The following IFRD1 variants were observed in gnomAD, a reference collection of about 807,000 sequenced individuals.
IFRD1 encodes interferon-related developmental regulator 1.
Under a neutral mutation model 52.9 loss-of-function variants are expected in IFRD1, and 35 were observed. That is an observed-to-expected ratio of 0.66 (90% CI 0.51 to 0.88). The LOEUF (loss-of-function observed/expected upper bound fraction) is 0.88. Among genes scored for constraint, IFRD1 ranks in the 40% least tolerant of loss-of-function variants. IFRD1 has a pLI of 0.00. For missense variants in IFRD1, 517 were observed against 550.8 expected (o/e 0.94, Z 0.61); for synonymous variants, 184 against 188.4 (o/e 0.98, Z 0.19).
intron 8 of IFRD1, among the ~76,000 whole-genome samples, chr7:112,466,668 A>C (rs1795617642): frequency 6.6e-6 from 1 of 152,212 alleles, no homozygotes; most frequent in South Asian, 2.1e-4. Context: ...AAAATAATGT[A>C]TAGAATTTTC....
chr7:112,456,001 G>T lies in IFRD1; in HGVS notation c.200-1G>T. 6.3e-7 allele frequency: 1 copy of T among 1,587,690 alleles called. No homozygotes were observed. The highest frequency in any genetic ancestry group is 8.6e-7 in the Non-Finnish European group (1 of 1,156,298). ...GATGGCTGTTTTATATTATTTCTTA[G>T]GACCAGAAGTCCTTGATGAGGAAGG... On this transcript the variant is annotated splice_acceptor_variant, in intron 2 of 11. Transcript: ENST00000403825. LOFTEE classifies it high-confidence loss of function.
upstream of IFRD1, among the ~76,000 whole-genome samples, chr7:112,447,738 T>C (rs1233032043): frequency 1.3e-5 from 2 of 152,202 alleles, no homozygotes; most frequent in Admixed American, 6.5e-5. Flanking sequence ...CAAAATAGTA[T>C]GTGGAGCTGA....
intron 8 of IFRD1, among the ~76,000 whole-genome samples, chr7:112,465,456 G>A (rs972818867): frequency 1.3e-5 from 2 of 152,028 alleles, no homozygotes; most frequent in African/African-American, 4.8e-5. Context: ...CTGTTATTTT[G>A]CTATGAAATA....
In IFRD1 at chr7:112,462,375, G is replaced by A. The variant is rs1795463493; in HGVS notation, c.903G>A (p.Glu301=). The A allele has an allele frequency of 2.5e-6, 4 of 1,590,058 alleles. No individual in the cohort carries two copies. Among genetic ancestry groups the A allele is most frequent in the Non-Finnish European group, 3.5e-6 (4 of 1,158,318 alleles). The change falls in exon 8 of 12, where the codon GAG becomes GAA. Residue 301 remains glutamate, a synonymous_variant. Coordinates refer to ENST00000403825, the MANE Select transcript of IFRD1 (RefSeq NM_001550.4). ...ALLFELARGI[E]SDFFYEDMES... Reference sequence around the variant, plus strand: ...TCTTTGAATTGGCCAGAGGAATAGAGAGTGTAAGTATCTAACTGGCAGAGG... The same window carrying A: ...TCTTTGAATTGGCCAGAGGAATAGAAAGTGTAAGTATCTAACTGGCAGAGG...
At chr7:112,443,036 T>G (rs1271543075) in intron 1 of IFRD1, among the ~76,000 whole-genome samples, 3 of 152,208 alleles carry the variant, frequency 2.0e-5, no homozygotes, top group Non-Finnish European at 4.4e-5. Flanking sequence ...TGAAATAGGT[T>G]CTATCATTAA....
intron 1 of IFRD1, among the ~76,000 whole-genome samples, chr7:112,436,776 A>T (rs1026112118): frequency 1.3e-5 from 2 of 152,164 alleles, no homozygotes; most frequent in African/African-American, 4.8e-5. Flanking sequence ...CTATGTTTCT[A>T]GACTTGCTGG....
At chr7:112,463,939 C>A (rs919828193) in intron 8 of IFRD1, among the ~76,000 whole-genome samples, 1 of 150,408 alleles carries the variant, frequency 6.6e-6, no homozygotes, top group Non-Finnish European at 1.5e-5. Flanking sequence ...ACAGGATAAC[C>A]AGGAGAACTC....
chr7:112,426,788 T>A (rs1303000336), intron 1 of IFRD1, among the ~76,000 whole-genome samples: 1 of 152,210 alleles, frequency 6.6e-6, no homozygotes, highest in Non-Finnish European at 1.5e-5. Flanking sequence ...ATCATCTGCA[T>A]GATAAAACCT....
rs1185179802 is a variant in IFRD1, at chr7:112,450,695, A to C, written c.7A>C (p.Lys3Gln). 27 of 1,612,602 alleles carry C rather than the reference A, an allele frequency of 1.7e-5. No individual in the cohort carries two copies. Among genetic ancestry groups the C allele is most frequent in the Non-Finnish European group, 2.3e-5 (27 of 1,179,762 alleles). Residue 3 changes from lysine (K) to glutamine (Q), a missense_variant, in exon 1 of 12, where the codon AAG becomes CAG. By Grantham distance (53) the Lys-to-Gln change is moderately conservative. Transcript: ENST00000403825. The stretch of plus-strand genomic sequence containing the variant: ...CGGCACCGGGCGTCCCACGATGCCG[A>C]AGAACAAGAAGCGGAACACTCCCCA... MP[K>Q]NKKRNTPHRG... is the part of the protein sequence containing the mutation.
Position 112,461,910 on chromosome 7 carries a change from C to A in IFRD1, c.612C>A (p.Asp204Glu). 6.2e-7 allele frequency: 1 copy of A among 1,608,212 alleles called. No homozygotes were observed. Among genetic ancestry groups the A allele is most frequent in the Non-Finnish European group, 8.5e-7 (1 of 1,175,280 alleles). Residue 204 changes from aspartate to glutamate, a missense_variant, in exon 6 of 12, where the codon GAC becomes GAA. By Grantham distance (45) the Asp-to-Glu change is conservative (BLOSUM62 2). Transcript: ENST00000403825. ...FGVCCFIATD[D>E]ITELYSTLEC... ...TTTGCTGTTTTATTGCCACAGATGA[C>A]ATTACTGTAAGTAAAAAACCTTTGA...
chr7:112,427,205 T>C (rs1174596634), intron 1 of IFRD1, among the ~76,000 whole-genome samples: 2 of 152,218 alleles, frequency 1.3e-5, no homozygotes, highest in Non-Finnish European at 2.9e-5. Flanking sequence ...ACAAACCGAC[T>C]CTCAAGATAA....
At chr7:112,460,533 C>A (rs557421003) in intron 5 of IFRD1, among the ~76,000 whole-genome samples, 3 of 152,012 alleles carry the variant, frequency 2.0e-5, no homozygotes, top group African/African-American at 7.3e-5. Context: ...TGTGAGCCAC[C>A]GCACCCAGCC....
chr7:112,462,830 C>T (rs562754072), intron 8 of IFRD1, among the ~76,000 whole-genome samples: 1 of 48,704 alleles, frequency 2.1e-5, no homozygotes, highest in South Asian at 4.7e-4. Flanking sequence ...ATAAACACTG[C>T]TCATTAAGAC....
chr7:112,445,721 A>T (rs978197698), upstream of IFRD1, among the ~76,000 whole-genome samples: 2 of 152,208 alleles, frequency 1.3e-5, no homozygotes, highest in African/African-American at 4.8e-5. Flanking sequence ...GAGATTGGTG[A>T]CTGGATTCCA....
At chr7:112,474,204 T>A (rs879582441) in intron 11 of IFRD1, among the ~76,000 whole-genome samples, 4 of 152,256 alleles carry the variant, frequency 2.6e-5, no homozygotes, top group Admixed American at 1.3e-4. Flanking sequence ...AGTGTTGCTC[T>A]GAACATTCAC....
At chr7:112,470,230 A>G (rs1795712759) in intron 9 of IFRD1, among the ~76,000 whole-genome samples, 1 of 152,240 alleles carries the variant, frequency 6.6e-6, no homozygotes, top group Non-Finnish European at 1.5e-5. Flanking sequence ...AATGGGGACC[A>G]AAGGAATACA....
At chr7:112,466,567 A>G (rs774852742) in intron 8 of IFRD1, among the ~76,000 whole-genome samples, 6 of 152,160 alleles carry the variant, frequency 3.9e-5, no homozygotes, top group Non-Finnish European at 8.8e-5. Flanking sequence ...ACAACCAAAA[A>G]TGTCTCAGAC....
At chr7:112,429,493 T>C (rs1273490105) in intron 1 of IFRD1, among the ~76,000 whole-genome samples, 1 of 152,238 alleles carries the variant, frequency 6.6e-6, no homozygotes, top group Non-Finnish European at 1.5e-5. Context: ...TGCTGGACCA[T>C]TCTCACATCT....
chr7:112,470,633 G>C (rs755681786), intron 9 of IFRD1, among the ~76,000 whole-genome samples: 1 of 152,176 alleles, frequency 6.6e-6, no homozygotes, highest in Non-Finnish European at 1.5e-5. Flanking sequence ...AATGTAGTCT[G>C]TTCTTAATAT....
Sources: gnomAD v4.1 joint callset for allele counts (sites outside exome capture counted in the v4.1 genomes callset) on GRCh38, gnomAD v4.1.1 for gene constraint, MANE v1.5 for transcripts, NCBI Gene and HGNC (gene_info 2026-07-23, HGNC 2026-07-21) for gene names.